The following RYR1 variants were observed in gnomAD, a reference collection of about 807,000 sequenced individuals.
RYR1 encodes central core disease of muscle.
In RYR1, 342 loss-of-function variants were observed where a neutral mutation model predicts 583.5. That is an observed-to-expected ratio of 0.59 (90% CI 0.54 to 0.64). RYR1 has a LOEUF of 0.64. RYR1 is among the 30% of genes least tolerant of loss of function. The probability of loss-of-function intolerance (pLI) is 0.00; values close to 1 mark genes in which losing one functional copy is unlikely to be tolerated. For synonymous variants in RYR1, 2,791 were observed against 2,822.5 expected, an observed-to-expected ratio of 0.99 and a Z score of 0.35; for missense variants, 6,032 against 6,917.2, an observed-to-expected ratio of 0.87 and a Z score of 4.54.
At chr19:38,492,795 G>A (rs1441281239) in intron 38 of RYR1, among the ~76,000 whole-genome samples, 159 bp downstream of exon 38, 4 of 152,068 alleles carry the variant, frequency 2.6e-5, no homozygotes, top group South Asian at 2.1e-4. Context: ...GGAAGCAGGC[G>A]TGGTGGCTCA....
Position 38,473,436 on chromosome 19 carries a change from C to T in RYR1, c.3825C>T (p.Thr1275=). Reference sequence around the variant, plus strand: ...CCTGCCTGCGCCTGACCCACCGCACCTGGGGCTCCCAGAACAGCCTGGTGG... The same window carrying T: ...CCTGCCTGCGCCTGACCCACCGCACTTGGGGCTCCCAGAACAGCCTGGTGG... ...TPPCLRLTHR[T]WGSQNSLVEM... The change falls in exon 28 of 106, where the codon ACC becomes ACT. Residue 1275 remains threonine (T), a synonymous_variant. Coordinates refer to ENST00000359596, the MANE Select transcript of RYR1 (RefSeq NM_000540.3). 1 of 1,613,976 alleles carries T rather than the reference C, an allele frequency of 6.2e-7. No individual in the cohort carries two copies. Among genetic ancestry groups the T allele is most frequent in the African/African-American group, 1.3e-5 (1 of 75,036 alleles).
intron 33 of RYR1, among the ~76,000 whole-genome samples, chr19:38,485,376 C>T (rs185237532): frequency 4.6e-5 from 7 of 152,320 alleles, no homozygotes; most frequent in South Asian, 4.1e-4. Flanking sequence ...CTTCGACACT[C>T]GTCTAAGCAT....
Position 38,444,388 on chromosome 19 carries a change from T to G in RYR1, c.537+127T>G. On this transcript the variant is annotated intron_variant, in intron 6 of 105. Transcript: ENST00000359596. The surrounding 1 kb of genome is among the most constrained non-coding windows in gnomAD (Gnocchi z 5.1). ...TCCTGACTCCCAATTTCCCATTTCCTGACCCCTGACATCCAATTTTCTGAT... is the reference window on the plus strand; with the variant it reads ...TCCTGACTCCCAATTTCCCATTTCCGGACCCCTGACATCCAATTTTCTGAT... The G allele has an allele frequency of 2.2e-6, 2 of 889,048 alleles. No individual in the cohort carries two copies. The highest frequency in any genetic ancestry group is 3.7e-6 in the Non-Finnish European group (2 of 543,906). The allele number at this position is 889,048 out of a possible 1,614,324, so 55.1% of individuals were successfully genotyped here.
At chr19:38,529,106 C>G in intron 76 of RYR1, 49 bp downstream of exon 76, 1 of 1,580,492 alleles carries the variant, frequency 6.3e-7, no homozygotes. Flanking sequence ...GTCCTGGGGC[C>G]ACCCCCAGCC....
In RYR1 at chr19:38,507,745, CATTGAA is replaced by C; in HGVS notation, c.8852_8857del (p.Ile2951_Glu2952del). The C allele has an allele frequency of 6.2e-7, 1 of 1,613,722 alleles. No individual in the cohort carries two copies. Among genetic ancestry groups the C allele is most frequent in the Admixed American group, 1.7e-5 (1 of 60,028 alleles). On this transcript the variant is annotated inframe_deletion, in exon 58 of 106. Transcript: ENST00000359596. The stretch of plus-strand genomic sequence containing the variant: ...AGGACATGGAACTGGACTCGTCTTC[CATTGAA>C]AAGCGGTTTGCCTTTGGCTTCCTGC...
Position 38,496,257 on chromosome 19 carries a change from G to C in RYR1, c.6591G>C (p.Leu2197=), listed in dbSNP as rs747131096. The stretch of plus-strand genomic sequence containing the variant: ...AAGTCTTCTACCAACACCCGAACCT[G>C]ATGAGGGCGCTGGGCATGCACGAGA... The part of the protein sequence containing the change: ...NNKVFYQHPN[L]MRALGMHETV... Residue 2197 remains leucine (L), a synonymous_variant, in exon 40 of 106, where the codon CTG becomes CTC. Transcript: ENST00000359596. The surrounding 1 kb of genome is among the most constrained non-coding windows in gnomAD (Gnocchi z 4.8). 2.5e-6 allele frequency: 4 copies of C among 1,613,842 alleles called. No homozygotes were observed. The East Asian group carries it at 6.7e-5, about 27-fold the overall frequency.
intron 82 of RYR1, 73 bp from the exon 83 acceptor site, chr19:38,536,676 TG>T: frequency 6.5e-7 from 1 of 1,540,592 alleles, no homozygotes; most frequent in South Asian, 1.1e-5. Context: ...TCATTGTGTG[TG>T]TTTGCGGTCT....
rs772767943 is a variant in RYR1 at position 38,446,735 on chromosome 19, G to A, written c.767G>A (p.Arg256His). The change falls in exon 9 of 106, where the codon CGC becomes CAC. Residue 256 changes from arginine to histidine, a missense_variant. Around this residue, in one of 11 missense-constraint regions of RYR1, gnomAD observed 338 missense variants for 441.6 expected, o/e 0.77. Transcript: ENST00000359596. ...GGGGGAGCTGTGTGCACTCATGCCCGCTCCCTCTGGAGGCTGGAGCCACTG... is the reference window on the plus strand; with the variant it reads ...GGGGGAGCTGTGTGCACTCATGCCCACTCCCTCTGGAGGCTGGAGCCACTG... The part of the protein sequence containing the change: ...YEGGAVCTHA[R>H]SLWRLEPLRI... The A allele has an allele frequency of 9.6e-5, 155 of 1,613,702 alleles. 1 individual carries two copies. Among genetic ancestry groups the A allele is most frequent in the Non-Finnish European group, 1.2e-4 (145 of 1,179,874 alleles).
At position 38,448,338 on chromosome 19, in the gene RYR1, G is replaced by T; in HGVS notation, c.801-17G>T. 6.2e-7 allele frequency: 1 copy of T among 1,604,402 alleles called. No individual in the cohort carries two copies. The highest frequency in any genetic ancestry group is 8.5e-7 in the Non-Finnish European group (1 of 1,178,750). ...CTGGGGGGTCCTCTGACTCCCCTTG[G>T]CTCTCACCCTCCACAGCTGGAGTGG... On this transcript the variant is annotated splice_polypyrimidine_tract_variant and intron_variant, in intron 9 of 105. Transcript: ENST00000359596.
At chr19:38,566,345 A>G (rs2145849987) in intron 91 of RYR1, among the ~76,000 whole-genome samples, 1 of 145,090 alleles carries the variant, frequency 6.9e-6, no homozygotes, top group South Asian at 2.3e-4. Context: ...GCTACTCGGG[A>G]GGCTGAGGCA....
rs35260785 is a variant in RYR1 at position 38,509,049 on chromosome 19, A to AC, written c.8932+1230dup. On this transcript the variant is annotated intron_variant, in intron 58 of 105. Coordinates refer to ENST00000359596, the MANE Select transcript of RYR1 (RefSeq NM_000540.3). ...CAATCCCCTCCAGTTTCCCTTAGAG[A>AC]CCCCCCCCAGCATTCCCCTTGAGAG... 3.9e-3 allele frequency among the ~76,000 whole-genome samples: 584 copies of AC among 147,910 alleles called. 2 individuals carry two copies. The highest frequency in any genetic ancestry group is 0.013 in the African/African-American group (515 of 40,094).
intron 61 of RYR1, 81 bp from the exon 62 acceptor site, chr19:38,511,991 C>T (rs1337387837): frequency 1.6e-5 from 24 of 1,475,646 alleles, no homozygotes; most frequent in African/African-American, 4.2e-5. Flanking sequence ...AGGAAGAGAG[C>T]GGTTGGGGTG....
intron 54 of RYR1, 43 bp downstream of exon 54, chr19:38,505,989 G>T (rs774467622): frequency 5.0e-6 from 8 of 1,594,454 alleles, no homozygotes; most frequent in Non-Finnish European, 6.8e-6. Context: ...ACGATGGGGG[G>T]AGGGTCTAGA....
chr19:38,461,228 T>C (rs1967723136), intron 20 of RYR1, among the ~76,000 whole-genome samples: 1 of 152,056 alleles, frequency 6.6e-6, no homozygotes, highest in Admixed American at 6.6e-5. Context: ...AGCCCGAAAG[T>C]TCGAGATTAG....
chr19:38,503,496 G>C (rs1195715988), intron 49 of RYR1, among the ~76,000 whole-genome samples: 1 of 152,178 alleles, frequency 6.6e-6, no homozygotes, highest in Non-Finnish European at 1.5e-5. Context: ...ATTTTAGCCA[G>C]GCGCGGTGGC....
intron 72 of RYR1, 108 bp from the exon 73 acceptor site, chr19:38,527,539 C>T (rs956676997): frequency 2.0e-5 from 28 of 1,422,196 alleles, no homozygotes; most frequent in Non-Finnish European, 2.6e-5. Flanking sequence ...GAAGAAAGGC[C>T]TCAACATGCA....
Position 38,463,869 on chromosome 19 carries a change from C to T in RYR1, c.2786+19C>T, listed in dbSNP as rs756075892. The T allele has an allele frequency of 5.5e-5, 77 of 1,411,356 alleles. 1 individual carries two copies. The highest frequency in any genetic ancestry group is 2.3e-5 in the South Asian group (2 of 88,088). 87.4% of individuals were successfully genotyped at this position (1,411,356 alleles called of 1,614,324 possible). A position where few individuals can be genotyped will look rare whatever the true frequency, so the allele number is the denominator to read the frequency against. ...CGCTCAAGTGAGGGCCCAGGGGAGC[C>T]GGGGGTTGGGGCTGGCTGCTGGTGC... is the stretch of plus-strand genomic sequence containing the variant. On this transcript the variant is annotated intron_variant, in intron 22 of 105. Transcript: ENST00000359596.
At chr19:38,534,018 T>A (rs1971855773) in intron 78 of RYR1, among the ~76,000 whole-genome samples, 1 of 149,950 alleles carries the variant, frequency 6.7e-6, no homozygotes, top group Admixed American at 6.6e-5. Flanking sequence ...TTTTTTTTTT[T>A]TTTTTTTGAG....
At chr19:38,520,083 T>TA (rs1196517950) in intron 67 of RYR1, among the ~76,000 whole-genome samples, 1 of 150,728 alleles carries the variant, frequency 6.6e-6, no homozygotes, top group Non-Finnish European at 1.5e-5. Flanking sequence ...TTTTTTTTTT[T>TA]TTTTTTTATT....
Sources: allele counts gnomAD v4.1 joint callset (sites outside exome capture counted in the v4.1 genomes callset), GRCh38; gene constraint gnomAD v4.1.1; regional missense constraint gnomAD v4.1.1; non-coding constraint Gnocchi (gnomAD v3.1); transcripts MANE v1.5; gene names NCBI Gene and HGNC (gene_info 2026-07-23, HGNC 2026-07-21).